The following MYZAP variants were observed in gnomAD, a reference collection of about 807,000 sequenced individuals.
MYZAP encodes myocardial zonula adherens protein, also known as GRINL1A complex locus upstream.
A neutral mutation model predicts 69.4 loss-of-function variants in MYZAP; 66 were observed. The observed-to-expected ratio is 0.95, with a 90% CI of 0.78 to 1.17. MYZAP has a LOEUF of 1.17. MYZAP is among the 50% of genes most tolerant of loss of function. The pLI, the probability that MYZAP is intolerant of heterozygous loss-of-function variation, is 0.00. For synonymous variants in MYZAP, 256 were observed against 205.9 expected (o/e 1.24, Z -2.09); for missense variants, 611 against 556.2 (o/e 1.10, Z -0.99).
intron 5 of MYZAP, among the ~76,000 whole-genome samples, chr15:57,627,094 AC>A (rs1466754445): frequency 6.6e-6 from 1 of 151,788 alleles, no homozygotes; most frequent in Non-Finnish European, 1.5e-5. Context: ...GCTTTATCTC[AC>A]CTGAGTTCAG....
chr15:57,674,337 GA>G (rs1164842545), intron 11 of MYZAP, among the ~76,000 whole-genome samples: 23 of 151,982 alleles, frequency 1.5e-4, no homozygotes, highest in South Asian at 2.1e-4. Context: ...TGGCCCGAAA[GA>G]AAAAAAACTT....
intron 10 of MYZAP, chr15:57,648,169 G>A (rs954922500): frequency 6.1e-5 from 60 of 984,658 alleles, no homozygotes; most frequent in Non-Finnish European, 6.8e-5. Context: ...ATTTTTAGAA[G>A]GTATCAGCAC....
At chr15:57,650,398 C>T (rs1439990854) in intron 10 of MYZAP, among the ~76,000 whole-genome samples, 1 of 152,114 alleles carries the variant, frequency 6.6e-6, no homozygotes, top group Non-Finnish European at 1.5e-5. Flanking sequence ...TGAGTTCCTG[C>T]TCTCAGAGGA....
intron 2 of MYZAP, among the ~76,000 whole-genome samples, chr15:57,614,748 A>C (rs1335488340): frequency 6.6e-6 from 1 of 152,142 alleles, no homozygotes; most frequent in Non-Finnish European, 1.5e-5. Context: ...CGTGAGTTCC[A>C]GTTGTTCTCC....
chr15:57,623,943 A>G lies in MYZAP; in HGVS notation c.412-1836A>G, dbSNP rs141158290. ...TATAGAACAGGAAGAGAAGATAAAC[A>G]TATCAGGATTGTTCTGTGTGTGCAC... On this transcript the variant is annotated intron_variant, in intron 4 of 12. Coordinates refer to ENST00000267853, the MANE Select transcript of MYZAP (RefSeq NM_001018100.5). 5.9e-5 allele frequency among the ~76,000 whole-genome samples: 9 copies of G among 152,352 alleles called. No homozygotes were observed. The East Asian group carries it at 1.7e-3, about 29-fold the overall frequency.
intron 10 of MYZAP, 85 bp downstream of exon 10, chr15:57,639,630 A>G (rs2037022528): frequency 6.8e-7 from 1 of 1,480,098 alleles, no homozygotes; most frequent in Non-Finnish European, 9.2e-7. Context: ...TTGCCCCTCC[A>G]TTTCCTGTGG....
At chr15:57,605,694 C>T (rs1283121972) in intron 2 of MYZAP, among the ~76,000 whole-genome samples, 1 of 152,040 alleles carries the variant, frequency 6.6e-6, no homozygotes, top group East Asian at 1.9e-4. Flanking sequence ...TGCTGATCTG[C>T]CTAAAAAGAG....
intron 1 of MYZAP, among the ~76,000 whole-genome samples, chr15:57,594,586 G>A (rs2033933917): frequency 6.6e-6 from 1 of 152,184 alleles, no homozygotes; most frequent in Non-Finnish European, 1.5e-5. Flanking sequence ...ATATGACGGT[G>A]GTTGGAATGG....
chr15:57,651,808 C>T (rs2037740554), intron 10 of MYZAP, among the ~76,000 whole-genome samples: 1 of 152,126 alleles, frequency 6.6e-6, no homozygotes, highest in African/African-American at 2.4e-5. Context: ...AGAGAATGTG[C>T]TCAGATTGGG....
At chr15:57,645,008 C>T (rs1344382013) in intron 10 of MYZAP, among the ~76,000 whole-genome samples, 1 of 152,210 alleles carries the variant, frequency 6.6e-6, no homozygotes, top group Non-Finnish European at 1.5e-5. Flanking sequence ...CATGTATGCA[C>T]GTGTCTGCCT....
At chr15:57,668,894 A>ATATATATATATATATTT (rs1252525814) in intron 11 of MYZAP, among the ~76,000 whole-genome samples, 2 of 62,606 alleles carry the variant, frequency 3.2e-5, no homozygotes, top group African/African-American at 7.9e-5. Context: ...ATATATATAT[A>ATATATATATATATATTT]TTTTTTTTTT....
chr15:57,596,551 C>A (rs1182512766), intron 1 of MYZAP, among the ~76,000 whole-genome samples: 3 of 152,150 alleles, frequency 2.0e-5, no homozygotes, highest in Non-Finnish European at 2.9e-5. Context: ...AAGTGTCAAC[C>A]ACACTCCTGG....
chr15:57,684,324 GA>G (rs1321533631), intron 12 of MYZAP, 77 bp from the exon 13 acceptor site: 8 of 869,362 alleles, frequency 9.2e-6, no homozygotes, highest in Admixed American at 4.2e-5. Flanking sequence ...CCATTTTCTA[GA>G]GTTGTCTTAC....
rs2037021361 is a variant in MYZAP at position 57,639,610 on chromosome 15, C to G, written c.1119+65C>G. Reference sequence around the variant, plus strand: ...CTGTGGTGGGGAAGCATCCCCAGAACAAGTCTGCCTTGCCCCTCCATTTCC... The same window carrying G: ...CTGTGGTGGGGAAGCATCCCCAGAAGAAGTCTGCCTTGCCCCTCCATTTCC... On this transcript the variant is annotated intron_variant, in intron 10 of 12. Coordinates refer to ENST00000267853, the MANE Select transcript of MYZAP (RefSeq NM_001018100.5). 3 of 1,550,440 alleles carry G rather than the reference C, an allele frequency of 1.9e-6. 1 individual carries two copies. The highest frequency in any genetic ancestry group is 3.8e-5 in the Admixed American group (2 of 53,306).
At position 57,637,822 on chromosome 15, in the gene MYZAP, C is replaced by T. The variant is rs369878624; in HGVS notation, c.1013+48C>T. On this transcript the variant is annotated intron_variant, in intron 9 of 12. Transcript: ENST00000267853. ...TTGTAATGGATTTAGGTTGTGGACA[C>T]GCTGTGTTTTTATGACCTCATTTGA... 48 of 1,558,390 alleles carry T rather than the reference C, an allele frequency of 3.1e-5. No individual in the cohort carries two copies. The African/African-American group carries it at 3.8e-4, about 12-fold the overall frequency.
chr15:57,625,142 T>TCACTGCAACCTC (rs2036052133), intron 4 of MYZAP, among the ~76,000 whole-genome samples: 13 of 149,986 alleles, frequency 8.7e-5, no homozygotes, highest in African/African-American at 1.7e-4. Flanking sequence ...ACTGCAACCT[T>TCACTGCAACCTC]GGCTCACTGC....
At chr15:57,627,728 G>C (rs577553931) in intron 5 of MYZAP, among the ~76,000 whole-genome samples, 124 of 151,474 alleles carry the variant, frequency 8.2e-4, no homozygotes, top group Non-Finnish European at 1.4e-3. Flanking sequence ...GGCCGACAGA[G>C]AGAAATGACA....
intron 12 of MYZAP, among the ~76,000 whole-genome samples, chr15:57,683,295 G>T (rs1303116821): frequency 1.3e-5 from 2 of 152,064 alleles, no homozygotes; most frequent in Non-Finnish European, 2.9e-5. Context: ...CTTGCAGTAG[G>T]CCAAAAGGAA....
In MYZAP at chr15:57,651,364, C is replaced by T. The variant is rs145896298; in HGVS notation, c.1120-10086C>T. Among the ~76,000 whole-genome samples the T allele has an allele frequency of 8.7e-3, 1,317 of 152,254 alleles. 17 individuals carry two copies. Among genetic ancestry groups the T allele is most frequent in the African/African-American group, 0.03 (1,252 of 41,538 alleles). On this transcript the variant is annotated intron_variant, in intron 10 of 12. Transcript: ENST00000267853. ...AGCACAGGGGTAAATAAGCTTCATC[C>T]CCATCTCCATTCCATCTGCCTCCTC...
Sources: gnomAD v4.1 joint callset for allele counts (sites outside exome capture counted in the v4.1 genomes callset) on GRCh38, gnomAD v4.1.1 for gene constraint, MANE v1.5 for transcripts, NCBI Gene and HGNC (gene_info 2026-07-23, HGNC 2026-07-21) for gene names.